SYNJ1: variants seen among roughly 807,000 people sequenced by gnomAD.
SYNJ1 encodes polyphosphatidylinositol phosphatase SYNJ1.
SYNJ1 carries 78 observed loss-of-function variants against 168.2 expected under a neutral mutation model. That is an observed-to-expected ratio of 0.46 (90% CI 0.39 to 0.56). The LOEUF is 0.56. Ranked by LOEUF, SYNJ1 falls within the 20% of genes least tolerant of loss-of-function variation. The pLI, the probability that SYNJ1 is intolerant of heterozygous loss-of-function variation, is 0.00. For synonymous variants in SYNJ1, 539 were observed against 548.6 expected (o/e 0.98, Z 0.24); for missense variants, 1,303 against 1,597.6 (o/e 0.82, Z 3.14).
intron 31 of SYNJ1, among the ~76,000 whole-genome samples, chr21:32,637,179 G>T (rs966365980): frequency 5.3e-5 from 8 of 152,012 alleles, no homozygotes; most frequent in Non-Finnish European, 1.0e-4. Context: ...ATTATGGCAC[G>T]CAACTACAAT....
Position 32,699,741 on chromosome 21 carries a change from C to A in SYNJ1, c.479+97G>T. Reference sequence around the variant, plus strand: ...GCATCGAGGGTCTTCAGGGTTCTTCCTCCTTTCTTGCTGTCACGGTGAGGA... The same window carrying A: ...GCATCGAGGGTCTTCAGGGTTCTTCATCCTTTCTTGCTGTCACGGTGAGGA... On this transcript the variant is annotated intron_variant, in intron 4 of 32. Transcript: ENST00000674351. 6 of 1,455,930 alleles carry A rather than the reference C, an allele frequency of 4.1e-6. No homozygotes were observed. In the South Asian group the frequency reaches 8.4e-5, roughly 20 times the overall value. 90.2% of individuals were successfully genotyped at this position (1,455,930 alleles called of 1,614,324 possible). A position where few individuals can be genotyped will look rare whatever the true frequency, so the allele number is the denominator to read the frequency against.
At chr21:32,656,557 CAT>C in intron 21 of SYNJ1, 128 bp downstream of exon 21, 1 of 717,732 alleles carries the variant, frequency 1.4e-6, no homozygotes, top group Non-Finnish European at 2.2e-6. Flanking sequence ...TAAAAATACT[CAT>C]ATACTAAACA....
chr21:32,634,806 T>C, intron 32 of SYNJ1, 55 bp downstream of exon 32: 4 of 1,584,554 alleles, frequency 2.5e-6, no homozygotes, highest in Non-Finnish European at 1.7e-6. Flanking sequence ...GATTCATACA[T>C]CTAATGTGTT....
In SYNJ1 at chr21:32,630,048, T is replaced by C. The variant is rs549581750; in HGVS notation, c.*1757A>G. Reference sequence around the variant, plus strand: ...TGGGAGGGATATGGGCAACGTATACTCGAACGTACGCAGAGAAGAGAGTAC... The same window carrying C: ...TGGGAGGGATATGGGCAACGTATACCCGAACGTACGCAGAGAAGAGAGTAC... On this transcript the variant is annotated 3_prime_UTR_variant, in exon 33 of 33. Coordinates refer to ENST00000674351, the MANE Select transcript of SYNJ1 (RefSeq NM_203446.3). 6.6e-6 allele frequency: 1 copy of C among 152,226 alleles called. No individual in the cohort carries two copies. The highest frequency in any genetic ancestry group is 1.5e-5 in the Non-Finnish European group (1 of 68,046). The allele number at this position is 152,226 out of a possible 1,614,324, so 9.4% of individuals were successfully genotyped here. A position where few individuals can be genotyped will look rare whatever the true frequency, so the allele number is the denominator to read the frequency against.
At chr21:32,660,436 C>T (rs1480306525) in intron 18 of SYNJ1, among the ~76,000 whole-genome samples, 1 of 152,264 alleles carries the variant, frequency 6.6e-6, no homozygotes, top group Admixed American at 6.5e-5. Flanking sequence ...TCCCGCCACC[C>T]TGCTCCCAGT....
At chr21:32,727,079 T>A (rs770548409) in intron 1 of SYNJ1, 162 bp from the exon 2 acceptor site, 56 of 922,296 alleles carry the variant, frequency 6.1e-5, no homozygotes, top group Non-Finnish European at 8.5e-5. Context: ...AAAAGATAAG[T>A]CGTCACTTAA....
chr21:32,707,646 A>G (rs1328179239), intron 2 of SYNJ1, among the ~76,000 whole-genome samples: 2 of 152,054 alleles, frequency 1.3e-5, no homozygotes. Flanking sequence ...ATTTCCTTAT[A>G]TCTCAACACA....
chr21:32,723,971 G>A (rs2043348501), intron 2 of SYNJ1, among the ~76,000 whole-genome samples: 1 of 152,190 alleles, frequency 6.6e-6, no homozygotes, highest in African/African-American at 2.4e-5. Flanking sequence ...GGACCTCGGT[G>A]GGACTGACAG....
At position 32,695,412 on chromosome 21, in the gene SYNJ1, T is replaced by G. The variant is rs2042166552; in HGVS notation, c.480-130A>C. The G allele has an allele frequency of 1.6e-5, 14 of 854,520 alleles. No individual in the cohort carries two copies. In the South Asian group the frequency reaches 2.7e-4, roughly 16 times the overall value. The allele number at this position is 854,520 out of a possible 1,614,324, so 52.9% of individuals were successfully genotyped here. ...AGGCACAAACAACAAATCAATTCATTTACATTTACTATGCTAGGGATCAGA... is the reference window on the plus strand; with the variant it reads ...AGGCACAAACAACAAATCAATTCATGTACATTTACTATGCTAGGGATCAGA... On this transcript the variant is annotated intron_variant, in intron 4 of 32. Coordinates refer to ENST00000674351, the MANE Select transcript of SYNJ1 (RefSeq NM_203446.3).
In SYNJ1 at chr21:32,716,444, T is replaced by C. The variant is rs538728891; in HGVS notation, c.124+10328A>G. ...ACAAAACTCTAGGTGAATGGTTTGG[T>C]TTGGTTTCTTCCTTCCAGTACTTTA... On this transcript the variant is annotated intron_variant, in intron 2 of 32. Transcript: ENST00000674351. Among the ~76,000 whole-genome samples the C allele has an allele frequency of 4.6e-5, 7 of 152,336 alleles. No individual in the cohort carries two copies. The South Asian group carries it at 1.2e-3, about 27-fold the overall frequency.
intron 7 of SYNJ1, among the ~76,000 whole-genome samples, chr21:32,688,053 A>G (rs1370109412): frequency 6.6e-6 from 1 of 152,070 alleles, no homozygotes; most frequent in East Asian, 1.9e-4. Flanking sequence ...CCCAGTAGCT[A>G]CATGTGGCTA....
intron 2 of SYNJ1, among the ~76,000 whole-genome samples, chr21:32,712,786 G>T (rs1179737507): frequency 1.3e-5 from 2 of 152,148 alleles, no homozygotes; most frequent in Non-Finnish European, 2.9e-5. Flanking sequence ...TTGTTTGTTG[G>T]AGGAGGACAA....
At chr21:32,685,194 A>G (rs1272996098) in intron 9 of SYNJ1, among the ~76,000 whole-genome samples, 2 of 151,688 alleles carry the variant, frequency 1.3e-5, no homozygotes, top group African/African-American at 4.8e-5. Context: ...AAAAAAAAAA[A>G]AAAAAGACTT....
At chr21:32,639,226 C>A in intron 30 of SYNJ1, 101 bp from the exon 31 acceptor site, 1 of 1,080,958 alleles carries the variant, frequency 9.3e-7, no homozygotes. Flanking sequence ...TTATTTCTTC[C>A]CCCAATAAGT....
intron 3 of SYNJ1, among the ~76,000 whole-genome samples, chr21:32,701,605 T>C (rs1202985865): frequency 6.7e-6 from 1 of 149,988 alleles, no homozygotes; most frequent in Non-Finnish European, 1.5e-5. Context: ...TCTTTTCCAA[T>C]ACAAACCAAG....
intron 21 of SYNJ1, among the ~76,000 whole-genome samples, chr21:32,654,931 T>C (rs531886560): frequency 3.3e-5 from 5 of 152,324 alleles, no homozygotes; most frequent in South Asian, 2.1e-4. Flanking sequence ...TCACTACTTA[T>C]AGAGATCCTC....
intron 6 of SYNJ1, among the ~76,000 whole-genome samples, chr21:32,693,810 A>G (rs1483693362): frequency 6.6e-6 from 1 of 152,204 alleles, no homozygotes; most frequent in East Asian, 1.9e-4. Context: ...TTATTTGCCC[A>G]AGATCACACA....
At position 32,641,980 on chromosome 21, in the gene SYNJ1, A is replaced by G. The variant is rs1165109497; in HGVS notation, c.3518-14T>C. 6.2e-7 allele frequency: 1 copy of G among 1,613,710 alleles called. No homozygotes were observed. Among genetic ancestry groups the G allele is most frequent in the Non-Finnish European group, 8.5e-7 (1 of 1,179,902 alleles). The stretch of plus-strand genomic sequence containing the variant: ...GCTGACTGCGTCCTGGAACAAAGAC[A>G]TCATATCATATATTTAAGTTTAAAA... On this transcript the variant is annotated splice_polypyrimidine_tract_variant and intron_variant, in intron 28 of 32. Coordinates refer to ENST00000674351, the MANE Select transcript of SYNJ1 (RefSeq NM_203446.3).
chr21:32,701,234 C>A (rs137914896), intron 3 of SYNJ1, among the ~76,000 whole-genome samples: 13 of 152,128 alleles, frequency 8.5e-5, no homozygotes, highest in African/African-American at 2.9e-4. Context: ...TAGACCAGTG[C>A]TACTCAAAGT....
Sources: gnomAD v4.1 joint callset for allele counts (sites outside exome capture counted in the v4.1 genomes callset) on GRCh38, gnomAD v4.1.1 for gene constraint, MANE v1.5 for transcripts, NCBI Gene and HGNC (gene_info 2026-07-23, HGNC 2026-07-21) for gene names.